The following ENAH variants were observed in gnomAD, a reference collection of about 807,000 sequenced individuals.
ENAH encodes ENAH actin regulator.
In ENAH, 23 loss-of-function variants were observed where a neutral mutation model predicts 78.7. The ratio of observed to expected loss-of-function variants is 0.29; its 90% confidence interval spans 0.21 to 0.41. ENAH has a LOEUF of 0.41. Among genes scored for constraint, ENAH ranks in the 10% least tolerant of loss-of-function variants. The pLI, the probability that ENAH is intolerant of heterozygous loss-of-function variation, is 1.00. For missense variants in ENAH, 544 were observed against 691.0 expected, an observed-to-expected ratio of 0.79 and a Z score of 2.39; for synonymous variants, 226 against 241.0, an observed-to-expected ratio of 0.94 and a Z score of 0.58.
chr1:225,597,916 A>G (rs1039029553), intron 1 of ENAH, among the ~76,000 whole-genome samples: 3 of 151,750 alleles, frequency 2.0e-5, no homozygotes, highest in African/African-American at 7.3e-5. Flanking sequence ...ATGACATTTT[A>G]AGAGTTTCTC....
intron 1 of ENAH, 85 bp downstream of exon 1, chr1:225,652,601 A>C (rs1187970871): frequency 3.3e-6 from 4 of 1,205,180 alleles, no homozygotes; most frequent in Non-Finnish European, 4.2e-6. Context: ...GGGCCGGGAG[A>C]GGGAAGGCGG....
At chr1:225,512,350 G>A (rs2096383757) in intron 9 of ENAH, among the ~76,000 whole-genome samples, 1 of 152,128 alleles carries the variant, frequency 6.6e-6, no homozygotes, top group Non-Finnish European at 1.5e-5. Context: ...AGGGAACTGA[G>A]ATTCTAAGAG....
intron 3 of ENAH, among the ~76,000 whole-genome samples, chr1:225,550,762 A>T (rs1277142825): frequency 6.6e-6 from 1 of 152,194 alleles, no homozygotes; most frequent in Non-Finnish European, 1.5e-5. Context: ...AAACCCAGCA[A>T]AAGTAGTCTT....
intron 1 of ENAH, among the ~76,000 whole-genome samples, chr1:225,609,565 G>A (rs1003471258): frequency 2.0e-5 from 3 of 150,796 alleles, no homozygotes; most frequent in East Asian, 1.9e-4. Context: ...GTTTAAACAC[G>A]TTATCTGGAA....
chr1:225,607,609 A>C (rs1410719713), intron 1 of ENAH, among the ~76,000 whole-genome samples: 1 of 151,894 alleles, frequency 6.6e-6, no homozygotes, highest in Admixed American at 6.6e-5. Flanking sequence ...GCCATCAGAC[A>C]CTCAGCCCAT....
At chr1:225,543,179 A>G (rs1558786035) in intron 3 of ENAH, among the ~76,000 whole-genome samples, 1 of 152,182 alleles carries the variant, frequency 6.6e-6, no homozygotes, top group Non-Finnish European at 1.5e-5. Context: ...GACTGGAGAC[A>G]CATTTCCTAG....
chr1:225,627,350 T>A (rs1055132712), intron 1 of ENAH, among the ~76,000 whole-genome samples: 1 of 151,912 alleles, frequency 6.6e-6, no homozygotes, highest in Non-Finnish European at 1.5e-5. Flanking sequence ...AAAAAATAAA[T>A]CTAGGAATAA....
At chr1:225,643,065 G>A (rs1661368959) in intron 1 of ENAH, among the ~76,000 whole-genome samples, 1 of 152,176 alleles carries the variant, frequency 6.6e-6, no homozygotes, top group African/African-American at 2.4e-5. Context: ...AAATACTTAT[G>A]CATACTCACA....
chr1:225,602,592 AGAAG>A (rs2096936430), intron 1 of ENAH, among the ~76,000 whole-genome samples: 1 of 152,148 alleles, frequency 6.6e-6, no homozygotes, highest in African/African-American at 2.4e-5. Context: ...AACCTGGAAT[AGAAG>A]GGAGTTTCCT....
intron 11 of ENAH, among the ~76,000 whole-genome samples, chr1:225,506,256 C>G (rs1453420926): frequency 6.6e-6 from 1 of 152,194 alleles, no homozygotes. Flanking sequence ...AGCGCGATAT[C>G]AGCTCACTGC....
At chr1:225,581,208 A>C (rs2096815741) in intron 1 of ENAH, 1 of 878,952 alleles carries the variant, frequency 1.1e-6, no homozygotes, top group South Asian at 5.2e-5. Context: ...AAATTCTCCC[A>C]TTAATAAGAA....
intron 4 of ENAH, among the ~76,000 whole-genome samples, chr1:225,520,209 C>T (rs2096456332): frequency 6.6e-6 from 1 of 151,044 alleles, no homozygotes; most frequent in Admixed American, 6.6e-5. Context: ...GCAGGAGAAT[C>T]GCTTGAACCT....
At position 225,497,744 on chromosome 1, in the gene ENAH, T is replaced by A. The variant is rs1367958733; in HGVS notation, c.*31A>T. 1 of 1,604,666 alleles carries A rather than the reference T, an allele frequency of 6.2e-7. No individual in the cohort carries two copies. The highest frequency in any genetic ancestry group is 8.5e-7 in the Non-Finnish European group (1 of 1,174,004). On this transcript the variant is annotated 3_prime_UTR_variant, in exon 14 of 14. Transcript: ENST00000366843. ...GTTTGTAGGATATTTTTCCTCCAGATTAAAGTCCTATCTCTCCTTAGTCTG... is the reference window on the plus strand; with the variant it reads ...GTTTGTAGGATATTTTTCCTCCAGAATAAAGTCCTATCTCTCCTTAGTCTG...
At position 225,497,721 on chromosome 1, in the gene ENAH, T is replaced by G; in HGVS notation, c.*54A>C. ...GTTTGCTGTTGTGAACAGTTGTTGT[T>G]TGTAGGATATTTTTCCTCCAGATTA... On this transcript the variant is annotated 3_prime_UTR_variant, in exon 14 of 14. Coordinates refer to ENST00000366843, the MANE Select transcript of ENAH (RefSeq NM_018212.6). 6.4e-7 allele frequency: 1 copy of G among 1,562,476 alleles called. No individual in the cohort carries two copies. Among genetic ancestry groups the G allele is most frequent in the South Asian group, 1.1e-5 (1 of 88,780 alleles).
chr1:225,603,472 T>C (rs1211863262), intron 1 of ENAH, among the ~76,000 whole-genome samples: 2 of 152,144 alleles, frequency 1.3e-5, no homozygotes, highest in African/African-American at 2.4e-5. Flanking sequence ...CAATGAAAGT[T>C]AGAAAAAAGT....
intron 1 of ENAH, among the ~76,000 whole-genome samples, chr1:225,585,222 A>C: frequency 2.1e-5 from 2 of 93,770 alleles, no homozygotes; most frequent in African/African-American, 1.5e-4. Context: ...TCTCAAAAAA[A>C]AAAAAAAAAA....
At chr1:225,514,224 T>C (rs569923211) in intron 7 of ENAH, among the ~76,000 whole-genome samples, 5 of 152,132 alleles carry the variant, frequency 3.3e-5, no homozygotes, top group African/African-American at 9.6e-5. Flanking sequence ...TAGAGCGCAG[T>C]GGCATGATCT....
intron 1 of ENAH, among the ~76,000 whole-genome samples, chr1:225,592,836 T>A (rs199832837): frequency 2.4e-5 from 3 of 124,308 alleles, no homozygotes; most frequent in Non-Finnish European, 5.2e-5. Context: ...ATACATACAT[T>A]TGCCAGCTGC....
chr1:225,598,447 A>G (rs932169463), intron 1 of ENAH, among the ~76,000 whole-genome samples: 4 of 152,206 alleles, frequency 2.6e-5, no homozygotes, highest in Non-Finnish European at 5.9e-5. Flanking sequence ...CTAGATTAAC[A>G]TCAACTTGAC....
Sources: allele counts gnomAD v4.1 joint callset (sites outside exome capture counted in the v4.1 genomes callset), GRCh38; gene constraint gnomAD v4.1.1; transcripts MANE v1.5; gene names NCBI Gene and HGNC (gene_info 2026-07-23, HGNC 2026-07-21).